UBE2E2: variants seen among roughly 807,000 people sequenced by gnomAD.
UBE2E2 encodes ubiquitin-conjugating enzyme E2 E2.
In UBE2E2, 6 loss-of-function variants were observed where a neutral mutation model predicts 24.7. The ratio of observed to expected loss-of-function variants is 0.24; its 90% confidence interval spans 0.13 to 0.48. The LOEUF (loss-of-function observed/expected upper bound fraction) is 0.48. Among genes scored for constraint, UBE2E2 ranks in the 20% least tolerant of loss-of-function variants. UBE2E2 has a pLI of 0.99. For missense variants in UBE2E2, 169 were observed against 245.0 expected (o/e 0.69, Z 2.07); for synonymous variants, 104 against 83.6 (o/e 1.24, Z -1.33).
At chr3:23,441,178 A>T (rs759092357) in intron 3 of UBE2E2, among the ~76,000 whole-genome samples, 2 of 152,048 alleles carry the variant, frequency 1.3e-5, no homozygotes, top group African/African-American at 2.4e-5. Flanking sequence ...CCACCCTGCA[A>T]GGTTGGCAGG....
chr3:23,205,325 T>G (rs1274783178), intron 1 of UBE2E2, among the ~76,000 whole-genome samples: 1 of 152,198 alleles, frequency 6.6e-6, no homozygotes, highest in African/African-American at 2.4e-5. Flanking sequence ...CGGATCAGAT[T>G]AGCTATTTAG....
intron 3 of UBE2E2, among the ~76,000 whole-genome samples, chr3:23,270,145 C>T (rs926584223): frequency 1.6e-5 from 2 of 123,428 alleles, no homozygotes; most frequent in Non-Finnish European, 3.2e-5. Flanking sequence ...TTTCCACCCC[C>T]CTCCTCCTTT....
chr3:23,584,811 A>G (rs1324971342), intron 5 of UBE2E2, among the ~76,000 whole-genome samples: 1 of 139,952 alleles, frequency 7.1e-6, no homozygotes, highest in Non-Finnish European at 1.5e-5. Flanking sequence ...GGCTCAGGCC[A>G]TCCTCCTGCC....
chr3:23,407,404 T>G lies in UBE2E2; in HGVS notation c.228-92204T>G, dbSNP rs1451676231. On this transcript the variant is annotated intron_variant, in intron 3 of 5. Transcript: ENST00000396703. This position sits in a 1 kb window ranked among gnomAD's most constrained non-coding sequence, Gnocchi z 4.0. Reference sequence around the variant, plus strand: ...CAAATGTAAATGATATATTGACATCTTGACATCTTGATTAATTGGAGGGTT... The same window carrying G: ...CAAATGTAAATGATATATTGACATCGTGACATCTTGATTAATTGGAGGGTT... Among the ~76,000 whole-genome samples, 2 of 152,158 alleles carry G rather than the reference T, an allele frequency of 1.3e-5. No homozygotes were observed. Among genetic ancestry groups the G allele is most frequent in the Non-Finnish European group, 2.9e-5 (2 of 68,030 alleles).
intron 3 of UBE2E2, among the ~76,000 whole-genome samples, chr3:23,344,332 A>C (rs922947866): frequency 6.6e-6 from 1 of 152,132 alleles, no homozygotes; most frequent in Non-Finnish European, 1.5e-5. Context: ...TCCAAGAAAC[A>C]CATCCAGAGG....
chr3:23,462,909 C>T (rs1481420024), intron 3 of UBE2E2, among the ~76,000 whole-genome samples: 1 of 152,014 alleles, frequency 6.6e-6, no homozygotes, highest in Non-Finnish European at 1.5e-5. Context: ...CTGTAAAATT[C>T]GAATGGTTTG....
intron 3 of UBE2E2, among the ~76,000 whole-genome samples, chr3:23,422,852 G>A (rs1006692900): frequency 1.6e-4 from 24 of 152,048 alleles, no homozygotes; most frequent in African/African-American, 5.1e-4. Context: ...AAGGGTCTAG[G>A]TAAGATGACA....
At chr3:23,447,927 T>A (rs922933377) in intron 3 of UBE2E2, among the ~76,000 whole-genome samples, 1 of 152,192 alleles carries the variant, frequency 6.6e-6, no homozygotes, top group African/African-American at 2.4e-5. Context: ...AAAAATGTAT[T>A]CCTTTCTGCA....
At chr3:23,269,918 T>A (rs1698186106) in intron 3 of UBE2E2, among the ~76,000 whole-genome samples, 1 of 152,182 alleles carries the variant, frequency 6.6e-6, no homozygotes, top group South Asian at 2.1e-4. Context: ...CCCCAGGGGC[T>A]AAGAATCAAG....
At chr3:23,254,911 T>C (rs6764047) in intron 3 of UBE2E2, among the ~76,000 whole-genome samples, 51,458 of 150,544 alleles carry the variant, frequency 0.34, 8,966 homozygotes, top group South Asian at 0.4. Flanking sequence ...GCTTTTTTTT[T>C]CCCCCCTTAT....
At chr3:23,548,021 G>A (rs1022194605) in intron 5 of UBE2E2, among the ~76,000 whole-genome samples, 9 of 152,146 alleles carry the variant, frequency 5.9e-5, no homozygotes, top group Non-Finnish European at 2.9e-5. Flanking sequence ...CTTAAGGTTA[G>A]CATTAGACTC....
At chr3:23,377,639 C>T (rs1431183228) in intron 3 of UBE2E2, among the ~76,000 whole-genome samples, 2 of 152,184 alleles carry the variant, frequency 1.3e-5, no homozygotes, top group South Asian at 4.1e-4. Context: ...ATGTAGAGCT[C>T]ATGCTCTGGA....
intron 3 of UBE2E2, among the ~76,000 whole-genome samples, chr3:23,456,213 T>A (rs1698676545): frequency 6.6e-6 from 1 of 152,242 alleles, no homozygotes; most frequent in Non-Finnish European, 1.5e-5. Flanking sequence ...CTAGTTCTCT[T>A]GCTATTTCTA....
At chr3:23,575,281 GATGTTATGCTTACTAT>G (rs1195780743) in intron 5 of UBE2E2, among the ~76,000 whole-genome samples, 2 of 152,126 alleles carry the variant, frequency 1.3e-5, no homozygotes, top group Non-Finnish European at 2.9e-5. Context: ...TCCAAGTGAT[GATGTTATGCTTACTAT>G]ATGTGATAAT....
At chr3:23,475,288 G>A (rs546105013) in intron 3 of UBE2E2, among the ~76,000 whole-genome samples, 2 of 152,146 alleles carry the variant, frequency 1.3e-5, no homozygotes, top group East Asian at 3.9e-4. Flanking sequence ...TGTGAGCACT[G>A]TTGACTCACA....
chr3:23,249,951 C>T lies in UBE2E2; in HGVS notation c.227+32639C>T, dbSNP rs368750863. The stretch of plus-strand genomic sequence containing the variant: ...GACTACAGGCGTGAGCCACCGCATC[C>T]GGCCTAACAGAATTTTAAGAATACA... On this transcript the variant is annotated intron_variant, in intron 3 of 5. Transcript: ENST00000396703. 1.9e-3 allele frequency among the ~76,000 whole-genome samples: 290 copies of T among 152,304 alleles called. 1 individual carries two copies. Among genetic ancestry groups the T allele is most frequent in the African/African-American group, 6.1e-3 (255 of 41,546 alleles).
chr3:23,455,169 A>G (rs559443679), intron 3 of UBE2E2, among the ~76,000 whole-genome samples: 7 of 152,318 alleles, frequency 4.6e-5, no homozygotes, highest in Admixed American at 3.9e-4. Flanking sequence ...TCAACAATCT[A>G]TAATTAAGCA....
intron 3 of UBE2E2, among the ~76,000 whole-genome samples, chr3:23,321,891 G>A (rs1200526288): frequency 1.3e-5 from 2 of 151,824 alleles, no homozygotes; most frequent in Non-Finnish European, 2.9e-5. Context: ...ACCTTCCAGT[G>A]TAGAGATTGG....
chr3:23,268,603 A>G (rs1220059878), intron 3 of UBE2E2, among the ~76,000 whole-genome samples: 15 of 147,790 alleles, frequency 1.0e-4, no homozygotes, highest in Non-Finnish European at 1.8e-4. Context: ...GGAAGAATCA[A>G]TATCGTGAAA....
Sources: gnomAD v4.1 joint callset for allele counts (sites outside exome capture counted in the v4.1 genomes callset) on GRCh38, gnomAD v4.1.1 for gene constraint, Gnocchi (gnomAD v3.1) non-coding constraint, MANE v1.5 for transcripts, NCBI Gene and HGNC (gene_info 2026-07-23, HGNC 2026-07-21) for gene names.